The following GRAMD1B variants were observed in gnomAD, a reference collection of about 807,000 sequenced individuals.
GRAMD1B encodes the protein protein Aster-B.
In GRAMD1B, 37 loss-of-function variants were observed where a neutral mutation model predicts 99.7. The ratio of observed to expected loss-of-function variants is 0.37; its 90% CI spans 0.29 to 0.49. The LOEUF is 0.49. Among genes scored for constraint, GRAMD1B ranks in the 20% least tolerant of loss-of-function variants. The pLI is 0.98. For synonymous variants in GRAMD1B, 427 were observed against 387.6 expected (o/e 1.10, Z -1.19); for missense variants, 888 against 1,009.2 (o/e 0.88, Z 1.63).
At chr11:123,500,566 G>A (rs1284258135) in intron 2 of GRAMD1B, among the ~76,000 whole-genome samples, 2 of 152,186 alleles carry the variant, frequency 1.3e-5, no homozygotes, top group Admixed American at 6.5e-5. Context: ...AATGTGACCA[G>A]TAAATCCAAG....
Position 123,592,954 on chromosome 11 carries a change from G to A in GRAMD1B, c.685-1128G>A, listed in dbSNP as rs541524101. Among the ~76,000 whole-genome samples, 8 of 152,104 alleles carry A rather than the reference G, an allele frequency of 5.3e-5. No individual in the cohort carries two copies. In the South Asian group the frequency reaches 8.3e-4, roughly 16 times the overall value. Reference sequence around the variant, plus strand: ...ATTTAAGATTGTAAGCCCTCGGGTCGGGCGCGGTGGCTCACTCCTGTAATC... The same window carrying A: ...ATTTAAGATTGTAAGCCCTCGGGTCAGGCGCGGTGGCTCACTCCTGTAATC... On this transcript the variant is annotated intron_variant, in intron 4 of 19. Coordinates refer to ENST00000635736, the MANE Select transcript of GRAMD1B (RefSeq NM_001387025.1).
intron 2 of GRAMD1B, among the ~76,000 whole-genome samples, chr11:123,552,542 C>T (rs186970291): frequency 2.1e-4 from 31 of 150,240 alleles, no homozygotes; most frequent in Non-Finnish European, 4.5e-4. Flanking sequence ...TGAGCCACTG[C>T]GCTCAGCCTG....
At chr11:123,442,304 AC>A (rs1236838026) in intron 1 of GRAMD1B, among the ~76,000 whole-genome samples, 3 of 152,080 alleles carry the variant, frequency 2.0e-5, no homozygotes, top group Non-Finnish European at 4.4e-5. Context: ...TATACTTCTG[AC>A]CAACCAACTA....
chr11:123,370,530 C>T (rs566721055), intron 1 of GRAMD1B, among the ~76,000 whole-genome samples: 1 of 151,740 alleles, frequency 6.6e-6, no homozygotes, highest in South Asian at 2.1e-4. Context: ...TTGCTAGAGA[C>T]AGGGGTCTCA....
intron 1 of GRAMD1B, among the ~76,000 whole-genome samples, chr11:123,375,942 GAT>G (rs1491296258): frequency 6.6e-6 from 1 of 151,990 alleles, no homozygotes; most frequent in African/African-American, 2.4e-5. Context: ...TGAAAAGGTA[GAT>G]TTTTTTTTTT....
At chr11:123,464,430 A>T (rs1014458633) in intron 1 of GRAMD1B, among the ~76,000 whole-genome samples, 1 of 152,238 alleles carries the variant, frequency 6.6e-6, no homozygotes, top group Admixed American at 6.5e-5. Flanking sequence ...TTTCACCGAT[A>T]GCAGAAATCA....
chr11:123,483,516 A>G (rs1951727615), intron 2 of GRAMD1B, among the ~76,000 whole-genome samples: 1 of 150,834 alleles, frequency 6.6e-6, no homozygotes, highest in Non-Finnish European at 1.5e-5. Flanking sequence ...CCTCCTGAAT[A>G]TCCAGGACTA....
chr11:123,619,841 A>G (rs111583962), intron 19 of GRAMD1B, among the ~76,000 whole-genome samples: 20 of 152,346 alleles, frequency 1.3e-4, no homozygotes, highest in African/African-American at 4.3e-4. Context: ...TTAGTATCAT[A>G]AAATATGCCT....
At chr11:123,607,059 G>A (rs893208040) in intron 11 of GRAMD1B, among the ~76,000 whole-genome samples, 1 of 152,038 alleles carries the variant, frequency 6.6e-6, no homozygotes, top group Non-Finnish European at 1.5e-5. Context: ...CTTGCCTTGC[G>A]ACCCTGACCC....
At chr11:123,384,346 C>A (rs1013898453) in intron 1 of GRAMD1B, among the ~76,000 whole-genome samples, 1 of 152,192 alleles carries the variant, frequency 6.6e-6, no homozygotes, top group Non-Finnish European at 1.5e-5. Context: ...TAGACCTCAT[C>A]CTGCTTCACA....
chr11:123,619,993 C>T (rs75906478), intron 19 of GRAMD1B, among the ~76,000 whole-genome samples: 1,868 of 152,318 alleles, frequency 0.012, 52 homozygotes, highest in African/African-American at 0.043. Flanking sequence ...CAGCCAGAGA[C>T]GGCATCCCAG....
intron 2 of GRAMD1B, among the ~76,000 whole-genome samples, chr11:123,481,244 C>G (rs1438499254): frequency 1.3e-5 from 2 of 152,124 alleles, no homozygotes; most frequent in African/African-American, 4.8e-5. Context: ...CACTTGAGAT[C>G]TGGAGTTCGA....
chr11:123,449,518 C>T (rs540660344), intron 1 of GRAMD1B, among the ~76,000 whole-genome samples: 1 of 152,112 alleles, frequency 6.6e-6, no homozygotes, highest in Non-Finnish European at 1.5e-5. Flanking sequence ...CTGTCTTTAA[C>T]CTGTTGGTTT....
intron 2 of GRAMD1B, among the ~76,000 whole-genome samples, chr11:123,509,124 G>A (rs188026353): frequency 9.2e-4 from 140 of 152,282 alleles, no homozygotes; most frequent in Admixed American, 2.4e-3. Flanking sequence ...TTTTCTCTGA[G>A]GATCTCACCA....
intron 2 of GRAMD1B, among the ~76,000 whole-genome samples, chr11:123,565,450 A>G (rs1258237855): frequency 6.6e-6 from 1 of 152,378 alleles, no homozygotes; most frequent in African/African-American, 2.4e-5. Flanking sequence ...GGCCCTCAGG[A>G]TGAGTATGTA....
chr11:123,579,458 T>C (rs1949090084), intron 3 of GRAMD1B, among the ~76,000 whole-genome samples: 1 of 152,160 alleles, frequency 6.6e-6, no homozygotes, highest in African/African-American at 2.4e-5. Context: ...CGTTCCTGGC[T>C]GTGGACAGGG....
intron 2 of GRAMD1B, among the ~76,000 whole-genome samples, chr11:123,526,383 G>T (rs933997961): frequency 2.6e-5 from 4 of 152,116 alleles, no homozygotes; most frequent in Non-Finnish European, 5.9e-5. Flanking sequence ...CTTCTTCGAG[G>T]TCGGGGGTTT....
intron 2 of GRAMD1B, among the ~76,000 whole-genome samples, chr11:123,485,931 G>T (rs1273136771): frequency 6.6e-6 from 1 of 152,062 alleles, no homozygotes; most frequent in African/African-American, 2.4e-5. Flanking sequence ...GGCCAGGCTG[G>T]TCTAGAACTC....
chr11:123,579,478 C>A (rs1949091866), intron 3 of GRAMD1B, among the ~76,000 whole-genome samples: 1 of 152,178 alleles, frequency 6.6e-6, no homozygotes, highest in African/African-American at 2.4e-5. Flanking sequence ...GAAGGAGGAA[C>A]TTTACCTGGA....
Sources: allele counts gnomAD v4.1 joint callset (sites outside exome capture counted in the v4.1 genomes callset), GRCh38; gene constraint gnomAD v4.1.1; transcripts MANE v1.5; gene names NCBI Gene and HGNC (gene_info 2026-07-23, HGNC 2026-07-21).